The following PAQR5 variants were observed in gnomAD, a reference collection of about 807,000 sequenced individuals.
PAQR5 encodes progestin and adipoQ receptor family member 5.
Under a neutral mutation model 34.5 loss-of-function variants are expected in PAQR5, and 20 were observed. The ratio of observed to expected loss-of-function variants is 0.58; its 90% CI spans 0.41 to 0.84. The LOEUF is 0.84. Among genes scored for constraint, PAQR5 ranks in the 40% least tolerant of loss-of-function variants. The pLI is 0.00. For synonymous variants in PAQR5, 131 were observed against 155.6 expected (o/e 0.84, Z 1.18); for missense variants, 378 against 412.7 (o/e 0.92, Z 0.73).
rs1047801580 is a variant in PAQR5 at position 69,354,760 on chromosome 15, C to T, written c.-115-5206C>T. ...CTGCGAGGATGTTTCCAGAGGAGAT[C>T]GGGTTGTAAGTCCATGGACCAAGTG... On this transcript the variant is annotated intron_variant, in intron 2 of 8. Coordinates refer to ENST00000395407, the MANE Select transcript of PAQR5 (RefSeq NM_017705.4). Among the ~76,000 whole-genome samples, 9 of 152,164 alleles carry T rather than the reference C, an allele frequency of 5.9e-5. No individual in the cohort carries two copies. In the South Asian group the frequency reaches 8.3e-4, roughly 14 times the overall value.
At position 69,384,776 on chromosome 15, in the gene PAQR5, G is replaced by C. The variant is rs1567034745; in HGVS notation, c.279G>C (p.Val93=). 1.9e-6 allele frequency: 3 copies of C among 1,613,836 alleles called. No homozygotes were observed. The highest frequency in any genetic ancestry group is 2.5e-6 in the Non-Finnish European group (3 of 1,179,724). Residue 93 remains valine, a synonymous_variant, in exon 5 of 9, where the codon GTG becomes GTC. Coordinates refer to ENST00000395407, the MANE Select transcript of PAQR5 (RefSeq NM_017705.4). ...PMLVYMCTSC[V]YPLVSSCAHT... Reference sequence around the variant, plus strand: ...TTGTGTACATGTGCACCAGCTGCGTGTACCCACTTGTGTCCAGCTGTGCGC... The same window carrying C: ...TTGTGTACATGTGCACCAGCTGCGTCTACCCACTTGTGTCCAGCTGTGCGC...
chr15:69,323,668 G>A (rs1475941287), intron 1 of PAQR5, among the ~76,000 whole-genome samples: 3 of 152,164 alleles, frequency 2.0e-5, no homozygotes, highest in Non-Finnish European at 4.4e-5. Context: ...AAAGAAAAAA[G>A]AATATACATG....
rs150251746 is a variant in PAQR5, at chr15:69,328,586, C to G, written c.-276-8755C>G. ...AGGGTATTTGAGGCTTGGGGGCAGG[C>G]CTGCAGCCTGGCCAGCCTGGAAAGA... On this transcript the variant is annotated intron_variant, in intron 1 of 8. Transcript: ENST00000395407. 3.0e-3 allele frequency among the ~76,000 whole-genome samples: 454 copies of G among 152,254 alleles called. 2 individuals are homozygous for G. Among genetic ancestry groups the G allele is most frequent in the African/African-American group, 8.6e-3 (358 of 41,562 alleles).
At chr15:69,377,971 T>C (rs2055755297) in intron 3 of PAQR5, among the ~76,000 whole-genome samples, 2 of 151,554 alleles carry the variant, frequency 1.3e-5, no homozygotes, top group African/African-American at 2.4e-5. Flanking sequence ...CTGCAAAAAA[T>C]AAAAAATTAG....
At chr15:69,324,761 C>T (rs2054207174) in intron 1 of PAQR5, among the ~76,000 whole-genome samples, 1 of 152,162 alleles carries the variant, frequency 6.6e-6, no homozygotes, top group East Asian at 1.9e-4. Flanking sequence ...TGCGTACTTC[C>T]GTGCTGAACT....
intron 1 of PAQR5, among the ~76,000 whole-genome samples, chr15:69,324,517 G>A (rs185732230): frequency 3.9e-5 from 6 of 152,350 alleles, no homozygotes; most frequent in African/African-American, 1.4e-4. Flanking sequence ...AGGGCACACA[G>A]TAAATGATGG....
At chr15:69,341,457 A>T (rs960658202) in intron 2 of PAQR5, among the ~76,000 whole-genome samples, 4 of 148,906 alleles carry the variant, frequency 2.7e-5, no homozygotes, top group African/African-American at 9.9e-5. Flanking sequence ...CCTGAGCTCA[A>T]GTAGTCCCCC....
chr15:69,326,831 C>CG (rs80129815), intron 1 of PAQR5, among the ~76,000 whole-genome samples: 1 of 21,706 alleles, frequency 4.6e-5, no homozygotes, highest in Non-Finnish European at 4.5e-4. Context: ...CTCCCCACCC[C>CG]CGTTATTAAC....
At chr15:69,363,025 G>C (rs1472878444) in intron 3 of PAQR5, among the ~76,000 whole-genome samples, 1 of 152,098 alleles carries the variant, frequency 6.6e-6, no homozygotes, top group East Asian at 1.9e-4. Context: ...GGAGTGGCAG[G>C]TGCCTGCTCC....
chr15:69,379,829 C>T (rs111852428), intron 3 of PAQR5, 54 bp from the exon 4 acceptor site: 4 of 1,587,758 alleles, frequency 2.5e-6, no homozygotes, highest in East Asian at 2.2e-5. Context: ...TCTCCAGAGA[C>T]CTTCGTGCCA....
At chr15:69,302,171 G>A (rs976621106) in intron 1 of PAQR5, among the ~76,000 whole-genome samples, 27 of 151,946 alleles carry the variant, frequency 1.8e-4, no homozygotes, top group African/African-American at 4.6e-4. Context: ...TCCCGGTCTC[G>A]AGCTATCTTC....
rs761359955 is a variant in PAQR5 at position 69,392,093 on chromosome 15, C to T, written c.512+2313C>T. The T allele has an allele frequency of 4.6e-4, 96 of 209,352 alleles. 1 individual carries two copies. Among genetic ancestry groups the T allele is most frequent in the Middle Eastern group, 9.3e-4 (2 of 2,146 alleles). The allele number at this position is 209,352 out of a possible 1,614,324, so 13.0% of individuals were successfully genotyped here. On this transcript the variant is annotated intron_variant, in intron 6 of 8. Transcript: ENST00000395407. ...AGAGTGAATGATCCAAGATGGCTTC[C>T]CCATGAGCTCATAATTCAAATTCTT...
chr15:69,406,025 G>T lies in PAQR5; in HGVS notation c.*2203G>T, dbSNP rs1235033090. On this transcript the variant is annotated 3_prime_UTR_variant, in exon 9 of 9. Coordinates refer to ENST00000395407, the MANE Select transcript of PAQR5 (RefSeq NM_017705.4). The stretch of plus-strand genomic sequence containing the variant: ...AAGTATTAAATAATAGGCATTAGAT[G>T]TCTAATGTGAGTATAATTTCATCCA... 1.3e-5 allele frequency: 2 copies of T among 152,188 alleles called. No individual in the cohort carries two copies. Among genetic ancestry groups the T allele is most frequent in the Non-Finnish European group, 2.9e-5 (2 of 68,036 alleles). 9.4% of individuals were successfully genotyped at this position (152,188 alleles called of 1,614,324 possible). A position where few individuals can be genotyped will look rare whatever the true frequency, so the allele number is the denominator to read the frequency against.
chr15:69,338,720 A>C (rs1027207928), intron 2 of PAQR5, among the ~76,000 whole-genome samples: 4 of 152,222 alleles, frequency 2.6e-5, no homozygotes, highest in Admixed American at 2.0e-4. Context: ...TGACTGAGAC[A>C]ATCAAAGAGA....
At chr15:69,331,643 T>C (rs1161826080) in intron 1 of PAQR5, among the ~76,000 whole-genome samples, 1 of 152,188 alleles carries the variant, frequency 6.6e-6, no homozygotes, top group Non-Finnish European at 1.5e-5. Flanking sequence ...CTATCTGGTC[T>C]TCGCCTTGCC....
At chr15:69,343,888 T>G (rs930526827) in intron 2 of PAQR5, among the ~76,000 whole-genome samples, 1 of 152,118 alleles carries the variant, frequency 6.6e-6, no homozygotes, top group Non-Finnish European at 1.5e-5. Context: ...CAGTGGAAGA[T>G]TCAGGCTGAG....
chr15:69,365,807 G>A (rs2055387751), intron 3 of PAQR5, among the ~76,000 whole-genome samples: 2 of 152,126 alleles, frequency 1.3e-5, no homozygotes, highest in South Asian at 2.1e-4. Context: ...TTACCTGGGC[G>A]GAGCCACCAT....
At chr15:69,354,270 C>T (rs999263845) in intron 2 of PAQR5, among the ~76,000 whole-genome samples, 7 of 152,162 alleles carry the variant, frequency 4.6e-5, no homozygotes, top group African/African-American at 1.2e-4. Context: ...TGATCAGTTA[C>T]AGAACCAAGG....
At chr15:69,402,421 C>G (rs544727964) in intron 8 of PAQR5, among the ~76,000 whole-genome samples, 1 of 152,164 alleles carries the variant, frequency 6.6e-6, no homozygotes, top group South Asian at 2.1e-4. Context: ...GAGTTCACGC[C>G]ATTCTCCTGC....
Sources: allele counts gnomAD v4.1 joint callset (sites outside exome capture counted in the v4.1 genomes callset), GRCh38; gene constraint gnomAD v4.1.1; transcripts MANE v1.5; gene names NCBI Gene and HGNC (gene_info 2026-07-23, HGNC 2026-07-21).